Variants in NPR2 observed in about 807,000 individuals in gnomAD.
NPR2 encodes natriuretic peptide receptor 2.
A neutral mutation model predicts 120.7 loss-of-function variants in NPR2; 49 were observed. The ratio of observed to expected loss-of-function variants is 0.41; its 90% confidence interval spans 0.32 to 0.52. NPR2 has a LOEUF of 0.52. Among genes scored for constraint, NPR2 ranks in the 20% least tolerant of loss-of-function variants. The probability of loss-of-function intolerance (pLI) is 0.36; values close to 1 mark genes in which losing one functional copy is unlikely to be tolerated. For synonymous variants in NPR2, 484 were observed against 519.8 expected, an observed-to-expected ratio of 0.93 and a Z score of 0.94; for missense variants, 931 against 1,362.9, an observed-to-expected ratio of 0.68 and a Z score of 4.99.
chr9:35,802,467 A>C lies in NPR2; in HGVS notation c.1711-36A>C. ...TCTGTATCTAATTTTTAACTCTTTC[A>C]ATTTTCTTATCCTTCCCATTGTTTT... On this transcript the variant is annotated intron_variant, in intron 10 of 21. Transcript: ENST00000342694. The surrounding 1 kb of genome is among the most constrained non-coding windows in gnomAD (Gnocchi z 4.2). 2 of 1,270,332 alleles carry C rather than the reference A, an allele frequency of 1.6e-6. No individual in the cohort carries two copies. Among genetic ancestry groups the C allele is most frequent in the Non-Finnish European group, 2.3e-6 (2 of 866,102 alleles). 78.7% of individuals were successfully genotyped at this position (1,270,332 alleles called of 1,614,324 possible).
At chr9:35,804,025 A>G (rs929082510) in intron 12 of NPR2, among the ~76,000 whole-genome samples, 1 of 152,246 alleles carries the variant, frequency 6.6e-6, no homozygotes, top group Admixed American at 6.5e-5. Context: ...TAAATTCACA[A>G]CTTCAGAGAT....
At position 35,807,895 on chromosome 9, in the gene NPR2, G is replaced by A. The variant is rs555010611; in HGVS notation, c.2712+497G>A. On this transcript the variant is annotated intron_variant, in intron 18 of 21. Transcript: ENST00000342694. ...TAGGTAAGTCACAGAATCTCCCTGAGCCTCAGTTGTTTTATCTGTAAGATG... is the reference window on the plus strand; with the variant it reads ...TAGGTAAGTCACAGAATCTCCCTGAACCTCAGTTGTTTTATCTGTAAGATG... 53 of 460,610 alleles carry A rather than the reference G, an allele frequency of 1.2e-4. 1 individual carries two copies. The highest frequency in any genetic ancestry group is 1.1e-3 in the South Asian group (40 of 36,030). The allele number at this position is 460,610 out of a possible 1,614,324, so 28.5% of individuals were successfully genotyped here. A position where few individuals can be genotyped will look rare whatever the true frequency, so the allele number is the denominator to read the frequency against.
Position 35,800,959 on chromosome 9 carries a change from C to T in NPR2, c.1352-111C>T, listed in dbSNP as rs61758527. On this transcript the variant is annotated intron_variant, in intron 6 of 21. Transcript: ENST00000342694. The surrounding 1 kb of genome is among the most constrained non-coding windows in gnomAD (Gnocchi z 4.7). Reference sequence around the variant, plus strand: ...TCTGCCTTTACGTCTGCATCCCTCCCTCCTCATTTCTTCCTACTCCCAAGG... The same window carrying T: ...TCTGCCTTTACGTCTGCATCCCTCCTTCCTCATTTCTTCCTACTCCCAAGG... The T allele has an allele frequency of 1.3e-6, 2 of 1,536,258 alleles. No homozygotes were observed. The highest frequency in any genetic ancestry group is 1.8e-6 in the Non-Finnish European group (2 of 1,109,230).
At chr9:35,796,455 G>T (rs1827947627) in intron 2 of NPR2, among the ~76,000 whole-genome samples, 1 of 152,214 alleles carries the variant, frequency 6.6e-6, no homozygotes, top group Non-Finnish European at 1.5e-5. Context: ...AAAGTGCTGG[G>T]ATTACAGGCA....
Position 35,792,899 on chromosome 9 carries a change from C to A in NPR2, c.491C>A (p.Ala164Asp), listed in dbSNP as rs62637657. The change falls in exon 1 of 22, where the codon GCC (alanine) becomes GAC (aspartate). Residue 164 changes from alanine to aspartate, a missense_variant. Coordinates refer to ENST00000342694, the MANE Select transcript of NPR2 (RefSeq NM_003995.4). Reference protein sequence around the residue: ...VTLHGHFNWTARAALLYLDAR... With the variant: ...VTLHGHFNWTDRAALLYLDAR... ...CTACACGGGCACTTCAATTGGACTG[C>A]CCGTGCTGCCTTGCTGTACCTGGAT... The A allele has an allele frequency of 6.2e-7, 1 of 1,614,144 alleles. No individual in the cohort carries two copies. Among genetic ancestry groups the A allele is most frequent in the African/African-American group, 1.3e-5 (1 of 75,036 alleles).
intron 2 of NPR2, among the ~76,000 whole-genome samples, chr9:35,796,054 T>G (rs376698783): frequency 6.6e-6 from 1 of 152,216 alleles, no homozygotes; most frequent in Non-Finnish European, 1.5e-5. Flanking sequence ...CATATTGTGA[T>G]GTGTTACTAA....
At chr9:35,801,534 G>C in intron 7 of NPR2, 109 bp from the exon 8 acceptor site, 5 of 1,149,338 alleles carry the variant, frequency 4.4e-6, no homozygotes, top group Non-Finnish European at 6.6e-6. Context: ...TCTCTCAGGT[G>C]TAACAGTTGC....
Position 35,801,659 on chromosome 9 carries a change from A to G in NPR2, c.1453A>G (p.Lys485Glu), listed in dbSNP as rs1048438857. ...TCCTTACAGAAAGCTGATGCTGGAG[A>G]AGGAGCTGGCTAGCATGTTGTGGCG... is the stretch of plus-strand genomic sequence containing the variant. ...FLIFRKLMLE[K>E]ELASMLWRIR... The change falls in exon 8 of 22, where the codon AAG (lysine) becomes GAG (glutamate). Residue 485 changes from lysine to glutamate, a missense_variant. Lys to Glu is a moderately conservative substitution (Grantham distance 56). This residue lies in a region of NPR2 where 681 missense variants were observed against 974.3 expected (regional missense o/e 0.70). Coordinates refer to ENST00000342694, the MANE Select transcript of NPR2 (RefSeq NM_003995.4). 3 of 1,614,116 alleles carry G rather than the reference A, an allele frequency of 1.9e-6. No individual in the cohort carries two copies. Among genetic ancestry groups the G allele is most frequent in the Non-Finnish European group, 2.5e-6 (3 of 1,179,968 alleles).
At position 35,806,654 on chromosome 9, in the gene NPR2, G is replaced by C. The variant is rs1402549779; in HGVS notation, c.2519+116G>C. ...CCCTCAGAACCCTGCTGGCCACAGGGAGCACCCCTGCTTATAGATTATTTG... is the reference window on the plus strand; with the variant it reads ...CCCTCAGAACCCTGCTGGCCACAGGCAGCACCCCTGCTTATAGATTATTTG... On this transcript the variant is annotated intron_variant, in intron 16 of 21. Transcript: ENST00000342694. This position sits in a 1 kb window ranked among gnomAD's most constrained non-coding sequence, Gnocchi z 4.6. 3 of 1,093,752 alleles carry C rather than the reference G, an allele frequency of 2.7e-6. No homozygotes were observed. Among genetic ancestry groups the C allele is most frequent in the Non-Finnish European group, 4.2e-6 (3 of 714,868 alleles). The allele number at this position is 1,093,752 out of a possible 1,614,324, so 67.8% of individuals were successfully genotyped here.
chr9:35,808,694 C>T lies in NPR2; in HGVS notation c.2887+11C>T. On this transcript the variant is annotated intron_variant, in intron 19 of 21. Transcript: ENST00000342694. The surrounding 1 kb of genome is among the most constrained non-coding windows in gnomAD (Gnocchi z 4.0). ...TAGGGGTCCATACTGGTAAGGCTGACTCTCACTCCAGCCCTAGTCTCCACC... is the reference window on the plus strand; with the variant it reads ...TAGGGGTCCATACTGGTAAGGCTGATTCTCACTCCAGCCCTAGTCTCCACC... The T allele has an allele frequency of 6.2e-7, 1 of 1,613,470 alleles. No homozygotes were observed.
rs1588060869 is a variant in NPR2 at position 35,802,059 on chromosome 9, G to A, written c.1632+59G>A. ...ATTTCATCCTGTCTCATCCCCATCT[G>A]CCACCTCTGCCCCTGAACCTCTGTC... On this transcript the variant is annotated intron_variant, in intron 9 of 21. Transcript: ENST00000342694. This position sits in a 1 kb window ranked among gnomAD's most constrained non-coding sequence, Gnocchi z 4.2. 2 of 1,515,722 alleles carry A rather than the reference G, an allele frequency of 1.3e-6. No individual in the cohort carries two copies. Among genetic ancestry groups the A allele is most frequent in the African/African-American group, 2.7e-5 (2 of 73,028 alleles). 93.9% of individuals were successfully genotyped at this position (1,515,722 alleles called of 1,614,324 possible).
In NPR2 at chr9:35,792,280, G is replaced by A; in HGVS notation, c.-129G>A. ...GGCCCCCAGCACCTTCTGCATCCCAGCCTACCTAGCCTACTCCTCCTCTTC... is the reference window on the plus strand; with the variant it reads ...GGCCCCCAGCACCTTCTGCATCCCAACCTACCTAGCCTACTCCTCCTCTTC... On this transcript the variant is annotated 5_prime_UTR_variant, in exon 1 of 22. Transcript: ENST00000342694. 1 of 849,484 alleles carries A rather than the reference G, an allele frequency of 1.2e-6. No homozygotes were observed. Among genetic ancestry groups the A allele is most frequent in the Non-Finnish European group, 1.7e-6 (1 of 597,072 alleles). The allele number at this position is 849,484 out of a possible 1,614,324, so 52.6% of individuals were successfully genotyped here. A position where few individuals can be genotyped will look rare whatever the true frequency, so the allele number is the denominator to read the frequency against.
Position 35,792,288 on chromosome 9 carries a change from A to C in NPR2, c.-121A>C. The C allele has an allele frequency of 9.6e-7, 1 of 1,044,966 alleles. No individual in the cohort carries two copies. Among genetic ancestry groups the C allele is most frequent in the Non-Finnish European group, 1.4e-6 (1 of 737,706 alleles). The allele number at this position is 1,044,966 out of a possible 1,614,324, so 64.7% of individuals were successfully genotyped here. A position where few individuals can be genotyped will look rare whatever the true frequency, so the allele number is the denominator to read the frequency against. Reference sequence around the variant, plus strand: ...GCACCTTCTGCATCCCAGCCTACCTAGCCTACTCCTCCTCTTCCTGGCCCT... The same window carrying C: ...GCACCTTCTGCATCCCAGCCTACCTCGCCTACTCCTCCTCTTCCTGGCCCT... On this transcript the variant is annotated 5_prime_UTR_variant, in exon 1 of 22. An upstream open reading frame in the 5' UTR loses its in-frame stop. Coordinates refer to ENST00000342694, the MANE Select transcript of NPR2 (RefSeq NM_003995.4).
chr9:35,803,108 ATT>A (rs1040001397), intron 12 of NPR2, among the ~76,000 whole-genome samples: 4 of 135,270 alleles, frequency 3.0e-5, no homozygotes, highest in East Asian at 2.2e-4. Flanking sequence ...CTCTGAACAT[ATT>A]TTTTTTTTTT....
At position 35,800,168 on chromosome 9, in the gene NPR2, G is replaced by A. The variant is rs769159522; in HGVS notation, c.1123+11G>A. ...GACGAAGATATCACGGTAATGAAGA[G>A]GGGTCAATGGGGGTCTGAGGGCTGA... is the stretch of plus-strand genomic sequence containing the variant. On this transcript the variant is annotated intron_variant, in intron 4 of 21. Transcript: ENST00000342694. This position sits in a 1 kb window ranked among gnomAD's most constrained non-coding sequence, Gnocchi z 4.7. 1 of 1,609,714 alleles carries A rather than the reference G, an allele frequency of 6.2e-7. No individual in the cohort carries two copies. Among genetic ancestry groups the A allele is most frequent in the Non-Finnish European group, 8.5e-7 (1 of 1,176,040 alleles).
At position 35,808,255 on chromosome 9, in the gene NPR2, C is replaced by T; in HGVS notation, c.2713-254C>T. The T allele has an allele frequency of 6.2e-7, 1 of 1,614,198 alleles. No individual in the cohort carries two copies. Among genetic ancestry groups the T allele is most frequent in the Non-Finnish European group, 8.5e-7 (1 of 1,180,016 alleles). ...GAGCCTATTTGTCCATGTCCTGCTG[C>T]AGACAGGGTGTTCATTCATTCCGCA... On this transcript the variant is annotated intron_variant, in intron 18 of 21. Coordinates refer to ENST00000342694, the MANE Select transcript of NPR2 (RefSeq NM_003995.4). This position sits in a 1 kb window ranked among gnomAD's most constrained non-coding sequence, Gnocchi z 4.0.
At chr9:35,794,216 G>C (rs1827878538) in intron 2 of NPR2, 113 bp downstream of exon 2, 1 of 975,074 alleles carries the variant, frequency 1.0e-6, no homozygotes, top group South Asian at 1.7e-5. Flanking sequence ...GTGAGCCACA[G>C]GAGTAAAATG....
In NPR2 at chr9:35,800,795, C is replaced by T. The variant is rs1828121925; in HGVS notation, c.1305C>T (p.Asp435=). The T allele has an allele frequency of 1.9e-6, 3 of 1,614,028 alleles. No individual in the cohort carries two copies. The highest frequency in any genetic ancestry group is 1.7e-5 in the Admixed American group (1 of 60,002). The part of the protein sequence containing the change: ...IPWVKGAPPS[D]NPPCAFDLDD... ...GGGTGAAGGGGGCTCCTCCCTCGGA[C>T]AATCCCCCCTGTGCCTTTGACTTGG... The change falls in exon 6 of 22, where the codon GAC becomes GAT. Residue 435 remains aspartate, a synonymous_variant. Coordinates refer to ENST00000342694, the MANE Select transcript of NPR2 (RefSeq NM_003995.4). The surrounding 1 kb of genome is among the most constrained non-coding windows in gnomAD (Gnocchi z 4.7).
Position 35,806,956 on chromosome 9 carries a change from C to T in NPR2, c.2520-67C>T. ...AGCTCATCTCTGCTGCAGCCACATA[C>T]ACTTTCCCTCTCTCTTCCACTCCTG... On this transcript the variant is annotated intron_variant, in intron 16 of 21. Transcript: ENST00000342694. The surrounding 1 kb of genome is among the most constrained non-coding windows in gnomAD (Gnocchi z 4.6). 6.3e-7 allele frequency: 1 copy of T among 1,575,452 alleles called. No individual in the cohort carries two copies. The highest frequency in any genetic ancestry group is 1.1e-5 in the South Asian group (1 of 89,546).
Sources: allele counts gnomAD v4.1 joint callset (sites outside exome capture counted in the v4.1 genomes callset), GRCh38; gene constraint gnomAD v4.1.1; regional missense constraint gnomAD v4.1.1; non-coding constraint Gnocchi (gnomAD v3.1); transcripts MANE v1.5; gene names NCBI Gene and HGNC (gene_info 2026-07-23, HGNC 2026-07-21).